PJA2: variants seen among roughly 807,000 people sequenced by gnomAD.
PJA2 encodes the protein E3 ubiquitin-protein ligase Praja-2.
PJA2 carries 25 observed loss-of-function variants against 69.3 expected under a neutral mutation model. That is an observed-to-expected ratio of 0.36 (90% CI 0.26 to 0.50). The LOEUF is 0.50. Ranked by LOEUF, PJA2 falls within the 20% of genes least tolerant of loss-of-function variation. The probability of loss-of-function intolerance (pLI) is 0.96; values close to 1 mark genes in which losing one functional copy is unlikely to be tolerated. For synonymous variants in PJA2, 308 were observed against 277.8 expected (o/e 1.11, Z -1.08); for missense variants, 809 against 830.2 (o/e 0.97, Z 0.31).
chr5:109,376,057 A>C (rs1264584968), intron 4 of PJA2, among the ~76,000 whole-genome samples: 1 of 152,156 alleles, frequency 6.6e-6, no homozygotes, highest in East Asian at 1.9e-4. Flanking sequence ...TATCCTTTAG[A>C]ATTTATTCTA....
chr5:109,343,571 G>A (rs1022467150), intron 9 of PJA2, among the ~76,000 whole-genome samples: 1 of 151,936 alleles, frequency 6.6e-6, no homozygotes, highest in Admixed American at 6.5e-5. Context: ...AAATTTCAGG[G>A]TTATGATTAA....
intron 7 of PJA2, among the ~76,000 whole-genome samples, chr5:109,346,552 C>A (rs1762175237): frequency 6.6e-6 from 1 of 152,206 alleles, no homozygotes; most frequent in East Asian, 1.9e-4. Flanking sequence ...GTGATATACA[C>A]ATACAGTGAA....
At chr5:109,373,253 A>G (rs1762707903) in intron 4 of PJA2, among the ~76,000 whole-genome samples, 1 of 152,172 alleles carries the variant, frequency 6.6e-6, no homozygotes, top group Admixed American at 6.5e-5. Context: ...AGAAAAAGTA[A>G]AGGTTTTCTT....
chr5:109,351,415 T>C (rs949518070), intron 7 of PJA2, among the ~76,000 whole-genome samples: 1 of 152,136 alleles, frequency 6.6e-6, no homozygotes, highest in Admixed American at 6.6e-5. Context: ...AAATTCATAA[T>C]TTATTTTTGA....
intron 1 of PJA2, among the ~76,000 whole-genome samples, chr5:109,388,373 G>A (rs973948722): frequency 3.9e-5 from 6 of 152,252 alleles, no homozygotes; most frequent in African/African-American, 1.4e-4. Flanking sequence ...GCAACCTCTT[G>A]AGAGACTTGA....
chr5:109,348,110 T>C (rs1020748833), intron 7 of PJA2, among the ~76,000 whole-genome samples: 6 of 152,280 alleles, frequency 3.9e-5, no homozygotes, highest in African/African-American at 1.4e-4. Flanking sequence ...ATCACTGTGG[T>C]TGACAGTGAT....
At chr5:109,372,905 C>CAACAAAAAAAAAAA (rs1491136790) in intron 4 of PJA2, among the ~76,000 whole-genome samples, 2 of 35,698 alleles carry the variant, frequency 5.6e-5, no homozygotes, top group African/African-American at 1.5e-4. Context: ...CACTCCGTCT[C>CAACAAAAAAAAAAA]AAAAAAAAAA....
Position 109,335,175 on chromosome 5 carries a change from A to G in PJA2, c.*2056T>C, listed in dbSNP as rs1490211965. On this transcript the variant is annotated 3_prime_UTR_variant, in exon 10 of 10. Coordinates refer to ENST00000361189, the MANE Select transcript of PJA2 (RefSeq NM_014819.5). ...TTAGCTTATACCAGAGCTTGTTACC[A>G]TGAAAATCCTAAAACCTCAATTTTC... 6.6e-6 allele frequency: 1 copy of G among 152,654 alleles called. No homozygotes were observed. The highest frequency in any genetic ancestry group is 1.5e-5 in the Non-Finnish European group (1 of 68,042). The allele number at this position is 152,654 out of a possible 1,614,324, so 9.5% of individuals were successfully genotyped here.
Position 109,336,944 on chromosome 5 carries a change from TG to T in PJA2, c.*286del. On this transcript the variant is annotated 3_prime_UTR_variant, in exon 10 of 10. Coordinates refer to ENST00000361189, the MANE Select transcript of PJA2 (RefSeq NM_014819.5). ...AAGCCAATAACGTATGCCACACAGA[TG>T]ATTATTTATTCTGGAGAGAGTCAAC... The T allele has an allele frequency of 5.5e-6, 1 of 182,024 alleles. No individual in the cohort carries two copies. The highest frequency in any genetic ancestry group is 1.1e-5 in the Non-Finnish European group (1 of 88,816). The allele number at this position is 182,024 out of a possible 1,614,324, so 11.3% of individuals were successfully genotyped here.
chr5:109,361,132 A>T (rs1049077582), intron 6 of PJA2, among the ~76,000 whole-genome samples: 4 of 150,130 alleles, frequency 2.7e-5, no homozygotes, highest in Non-Finnish European at 5.9e-5. Flanking sequence ...CATCTCAAAC[A>T]AACAAACAAA....
chr5:109,350,901 T>TA (rs1248105026), intron 7 of PJA2, among the ~76,000 whole-genome samples: 4 of 152,122 alleles, frequency 2.6e-5, no homozygotes, highest in African/African-American at 9.7e-5. Flanking sequence ...CTTTCATAGG[T>TA]AAAATCTTTC....
At chr5:109,402,821 A>T (rs1747583159) in intron 1 of PJA2, among the ~76,000 whole-genome samples, 1 of 152,134 alleles carries the variant, frequency 6.6e-6, no homozygotes, top group African/African-American at 2.4e-5. Context: ...AAAATCACCA[A>T]ATATTTGGAA....
chr5:109,387,341 A>C (rs1417483221), intron 1 of PJA2, among the ~76,000 whole-genome samples: 1 of 152,204 alleles, frequency 6.6e-6, no homozygotes, highest in Non-Finnish European at 1.5e-5. Flanking sequence ...AAAATAAGAA[A>C]AAAAGCAAAA....
chr5:109,365,165 T>C (rs758461098), intron 5 of PJA2, among the ~76,000 whole-genome samples: 56 of 152,230 alleles, frequency 3.7e-4, no homozygotes, highest in Non-Finnish European at 1.9e-4. Flanking sequence ...ATGTGTTTTT[T>C]ATTTTTTCTT....
At chr5:109,384,034 G>A (rs1747107157) in intron 1 of PJA2, among the ~76,000 whole-genome samples, 1 of 152,186 alleles carries the variant, frequency 6.6e-6, no homozygotes, top group Non-Finnish European at 1.5e-5. Context: ...ATCTGCTCTT[G>A]ATAAACCTTG....
chr5:109,354,852 T>TGTCTATAATCCCAGTGCCATG (rs1463829068), intron 7 of PJA2, among the ~76,000 whole-genome samples: 2 of 151,754 alleles, frequency 1.3e-5, no homozygotes, highest in Non-Finnish European at 2.9e-5. Flanking sequence ...TGGTGACTCA[T>TGTCTATAATCCCAGTGCCATG]GTCTATAATC....
chr5:109,374,205 T>G (rs879710737), intron 4 of PJA2, among the ~76,000 whole-genome samples: 2 of 152,212 alleles, frequency 1.3e-5, no homozygotes, highest in African/African-American at 2.4e-5. Context: ...GTCTTTTTCC[T>G]TAGTATCAGG....
chr5:109,395,400 G>A (rs1228689102), intron 1 of PJA2, among the ~76,000 whole-genome samples: 1 of 152,000 alleles, frequency 6.6e-6, no homozygotes, highest in Non-Finnish European at 1.5e-5. Context: ...ATGGTGGCGT[G>A]TGCTGTAGTC....
chr5:109,383,483 A>C lies in PJA2; in HGVS notation c.-50T>G, dbSNP rs376929670. ...TTCAGTAGAATTATAGATGTGATTT[A>C]GTTTTTATTCACACTATGGACAAGC... On this transcript the variant is annotated 5_prime_UTR_variant, in exon 2 of 10. Coordinates refer to ENST00000361189, the MANE Select transcript of PJA2 (RefSeq NM_014819.5). 28 of 1,484,456 alleles carry C rather than the reference A, an allele frequency of 1.9e-5. No individual in the cohort carries two copies. In the African/African-American group the frequency reaches 3.7e-4, roughly 20 times the overall value. The allele number at this position is 1,484,456 out of a possible 1,614,324, so 92.0% of individuals were successfully genotyped here. A position where few individuals can be genotyped will look rare whatever the true frequency, so the allele number is the denominator to read the frequency against.
Sources: allele counts gnomAD v4.1 joint callset (sites outside exome capture counted in the v4.1 genomes callset), GRCh38; gene constraint gnomAD v4.1.1; transcripts MANE v1.5; gene names NCBI Gene and HGNC (gene_info 2026-07-23, HGNC 2026-07-21).